Variants in MARCHF3 observed in about 807,000 individuals in gnomAD.
MARCHF3 encodes the protein E3 ubiquitin-protein ligase MARCHF3.
A neutral mutation model predicts 24.2 loss-of-function variants in MARCHF3; 13 were observed. The ratio of observed to expected loss-of-function variants is 0.54; its 90% confidence interval spans 0.35 to 0.85. The LOEUF (loss-of-function observed/expected upper bound fraction) is 0.85. MARCHF3 is among the 40% of genes least tolerant of loss of function. The pLI, the probability that MARCHF3 is intolerant of heterozygous loss-of-function variation, is 0.01. For missense variants in MARCHF3, 276 were observed against 325.0 expected (o/e 0.85, Z 1.16); for synonymous variants, 144 against 137.3 (o/e 1.05, Z -0.34).
At chr5:127,022,340 T>G (rs1752831292) in intron 1 of MARCHF3, among the ~76,000 whole-genome samples, 1 of 152,232 alleles carries the variant, frequency 6.6e-6, no homozygotes, top group African/African-American at 2.4e-5. Flanking sequence ...ACAGAGCTTT[T>G]ATAAAGTGGA....
intron 3 of MARCHF3, among the ~76,000 whole-genome samples, chr5:126,903,582 C>T (rs903487330): frequency 6.6e-6 from 1 of 151,926 alleles, no homozygotes; most frequent in Non-Finnish European, 1.5e-5. Context: ...CAAAACCAAA[C>T]CAAATCCATT....
At chr5:126,974,861 T>A (rs1052933594) in intron 1 of MARCHF3, among the ~76,000 whole-genome samples, 6 of 152,258 alleles carry the variant, frequency 3.9e-5, no homozygotes, top group Admixed American at 3.9e-4. Context: ...AAAGTCTTAA[T>A]GAGAAGCTAT....
In MARCHF3 at chr5:126,960,267, G is replaced by A. The variant is rs150589616; in HGVS notation, c.-56-42040C>T. 7.2e-5 allele frequency among the ~76,000 whole-genome samples: 11 copies of A among 152,168 alleles called. No individual in the cohort carries two copies. In the East Asian group the frequency reaches 1.3e-3, roughly 19 times the overall value. ...AGAAATTGTTCATCAAATTGTTTAC[G>A]GTTTCTGCTATTCTCTCAGTTGACA... is the stretch of plus-strand genomic sequence containing the variant. On this transcript the variant is annotated intron_variant, in intron 1 of 4. Coordinates refer to ENST00000308660, the MANE Select transcript of MARCHF3 (RefSeq NM_178450.5).
intron 1 of MARCHF3, among the ~76,000 whole-genome samples, chr5:126,981,310 G>C (rs1421115015): frequency 6.6e-6 from 1 of 152,210 alleles, no homozygotes; most frequent in Non-Finnish European, 1.5e-5. Context: ...AAGCAAGGCT[G>C]TGCAAAACAT....
In MARCHF3 at chr5:126,899,811, A is replaced by C. The variant is rs367821419; in HGVS notation, c.393+15119T>G. 5.4e-4 allele frequency among the ~76,000 whole-genome samples: 82 copies of C among 152,184 alleles called. 2 individuals carry two copies. In the South Asian group the frequency reaches 0.015, roughly 28 times the overall value. Reference sequence around the variant, plus strand: ...CAGCAAAATTGAATGGAAAGCACAGAGGGTTCTCATATATCCCTGTCTCCC... The same window carrying C: ...CAGCAAAATTGAATGGAAAGCACAGCGGGTTCTCATATATCCCTGTCTCCC... On this transcript the variant is annotated intron_variant, in intron 3 of 4. Transcript: ENST00000308660.
chr5:126,895,896 C>CA (rs1753874357), intron 3 of MARCHF3, among the ~76,000 whole-genome samples: 1 of 151,966 alleles, frequency 6.6e-6, no homozygotes, highest in African/African-American at 2.4e-5. Flanking sequence ...CAGTGGCGGG[C>CA]GCCCCTCCCC....
At chr5:127,008,080 A>G (rs1384917969) in intron 1 of MARCHF3, among the ~76,000 whole-genome samples, 1 of 152,156 alleles carries the variant, frequency 6.6e-6, no homozygotes, top group African/African-American at 2.4e-5. Flanking sequence ...CAATCCATGT[A>G]TTTAATATTA....
chr5:126,999,061 C>T (rs58527455), intron 1 of MARCHF3, among the ~76,000 whole-genome samples: 7,874 of 152,244 alleles, frequency 0.052, 375 homozygotes, highest in South Asian at 0.14. Flanking sequence ...AATTGCTTTT[C>T]AGGTCTGCCT....
chr5:126,912,787 C>T (rs764390350), intron 3 of MARCHF3, among the ~76,000 whole-genome samples: 5 of 152,226 alleles, frequency 3.3e-5, no homozygotes, highest in Admixed American at 2.0e-4. Flanking sequence ...AAGTTCATTT[C>T]GCCATGGGAT....
intron 1 of MARCHF3, among the ~76,000 whole-genome samples, chr5:127,006,419 T>C (rs1423928960): frequency 6.6e-6 from 1 of 152,166 alleles, no homozygotes; most frequent in Admixed American, 6.5e-5. Flanking sequence ...TGTCATTGTT[T>C]TAGGCCATAA....
intron 1 of MARCHF3, among the ~76,000 whole-genome samples, chr5:127,024,380 A>T (rs1752927392): frequency 6.6e-6 from 1 of 152,206 alleles, no homozygotes; most frequent in Non-Finnish European, 1.5e-5. Flanking sequence ...TTCTTGAGTA[A>T]CCTTGCTTGA....
chr5:126,980,645 AG>A (rs2126835740), intron 1 of MARCHF3, among the ~76,000 whole-genome samples: 1 of 152,248 alleles, frequency 6.6e-6, no homozygotes, highest in South Asian at 2.1e-4. Context: ...CTGGGATTAC[AG>A]GTGTGAGCCA....
intron 2 of MARCHF3, 66 bp from the exon 3 acceptor site, chr5:126,915,200 C>T (rs895801585): frequency 6.6e-7 from 1 of 1,520,230 alleles, no homozygotes; most frequent in South Asian, 1.2e-5. Flanking sequence ...GGATGGCCCT[C>T]TAGCTCTTGT....
At chr5:127,004,942 G>A (rs1359495488) in intron 1 of MARCHF3, among the ~76,000 whole-genome samples, 1 of 151,680 alleles carries the variant, frequency 6.6e-6, no homozygotes, top group East Asian at 1.9e-4. Context: ...CACAGCTGGT[G>A]TCAGCTGATG....
At chr5:126,932,674 A>G (rs373140207) in intron 1 of MARCHF3, among the ~76,000 whole-genome samples, 10 of 152,216 alleles carry the variant, frequency 6.6e-5, no homozygotes, top group African/African-American at 2.4e-4. Context: ...AAAATACAGC[A>G]TCAGTACAAT....
intron 1 of MARCHF3, among the ~76,000 whole-genome samples, chr5:126,922,513 TTTA>T (rs912320063): frequency 6.3e-4 from 3 of 4,738 alleles, no homozygotes; most frequent in Non-Finnish European, 2.4e-3. Flanking sequence ...ATTTCTGTCT[TTTA>T]TTTATTTATT....
chr5:126,909,552 C>T (rs116148238), intron 3 of MARCHF3, among the ~76,000 whole-genome samples: 24 of 152,192 alleles, frequency 1.6e-4, no homozygotes, highest in Admixed American at 1.0e-3. Context: ...ATCGGAAAAT[C>T]GCAGTATTCG....
intron 3 of MARCHF3, among the ~76,000 whole-genome samples, chr5:126,891,881 G>A (rs1370035090): frequency 3.6e-5 from 5 of 140,336 alleles, no homozygotes; most frequent in East Asian, 2.3e-4. Context: ...ACCTTGGGCA[G>A]TATGGCCATT....
intron 1 of MARCHF3, among the ~76,000 whole-genome samples, chr5:127,016,074 T>C (rs1752629481): frequency 6.6e-6 from 1 of 152,200 alleles, no homozygotes; most frequent in African/African-American, 2.4e-5. Context: ...ATTGTTCTAC[T>C]TTTATTATTA....
Sources: allele counts gnomAD v4.1 joint callset (sites outside exome capture counted in the v4.1 genomes callset), GRCh38; gene constraint gnomAD v4.1.1; transcripts MANE v1.5; gene names NCBI Gene and HGNC (gene_info 2026-07-23, HGNC 2026-07-21).